Variants in OPRM1 observed in about 807,000 individuals in gnomAD.
OPRM1 encodes the protein mu-type opioid receptor.
OPRM1 carries 27 observed loss-of-function variants against 31.8 expected under a neutral mutation model. The ratio of observed to expected loss-of-function variants is 0.85; its 90% CI spans 0.63 to 1.17. The LOEUF (loss-of-function observed/expected upper bound fraction) is 1.17. Ranked by LOEUF, OPRM1 falls within the 50% of genes most tolerant of loss-of-function variation. OPRM1 has a pLI of 0.00. For missense variants in OPRM1, 536 were observed against 511.1 expected (o/e 1.05, Z -0.47); for synonymous variants, 196 against 189.9 (o/e 1.03, Z -0.26).
At chr6:154,238,940 A>G (rs1318863568) in intron 3 of OPRM1, among the ~76,000 whole-genome samples, 2 of 152,130 alleles carry the variant, frequency 1.3e-5, no homozygotes, top group Middle Eastern at 3.4e-3. Context: ...TAAAAAAAAA[A>G]AGAAGTTGTG....
intron 1 of OPRM1, among the ~76,000 whole-genome samples, chr6:154,023,250 C>A (rs1203806536): frequency 1.3e-5 from 2 of 152,016 alleles, no homozygotes; most frequent in Non-Finnish European, 2.9e-5. Flanking sequence ...ATAGTTTTCA[C>A]TATAGACATC....
downstream of OPRM1, among the ~76,000 whole-genome samples, chr6:154,135,004 C>G (rs184975497): frequency 2.6e-5 from 4 of 152,340 alleles, no homozygotes; most frequent in East Asian, 7.7e-4. Flanking sequence ...CAGAGCCAGT[C>G]TGGTGGCCAG....
At chr6:154,088,714 A>G (rs1051051525) in intron 1 of OPRM1, among the ~76,000 whole-genome samples, 1 of 152,218 alleles carries the variant, frequency 6.6e-6, no homozygotes, top group Non-Finnish European at 1.5e-5. Context: ...ACCTCAATAA[A>G]GCATTAAAAA....
Position 154,198,631 on chromosome 6 carries a change from TACACAC to T in OPRM1, c.1165-48034_1165-48029del, listed in dbSNP as rs3070838. ...ATTTACATACTTTTAAAATATTACA[TACACAC>T]ACACACACACACACACACACACACA... On this transcript the variant is annotated intron_variant, in intron 3 of 3. Transcript: ENST00000337049. 1.8e-3 allele frequency among the ~76,000 whole-genome samples: 257 copies of T among 146,790 alleles called. 2 individuals are homozygous for T. Among genetic ancestry groups the T allele is most frequent in the Middle Eastern group, 0.01 (3 of 290 alleles).
chr6:154,222,437 A>G (rs2128617796), intron 3 of OPRM1, among the ~76,000 whole-genome samples: 1 of 152,386 alleles, frequency 6.6e-6, no homozygotes, highest in South Asian at 2.1e-4. Context: ...CCCCTTTCTG[A>G]TAAGACTGGA....
At chr6:154,022,685 G>A (rs955718327) in intron 1 of OPRM1, among the ~76,000 whole-genome samples, 1 of 152,062 alleles carries the variant, frequency 6.6e-6, no homozygotes, top group Non-Finnish European at 1.5e-5. Context: ...TTCATAGTTT[G>A]AGGACTTAAA....
At chr6:154,240,266 GAT>G (rs1308349046) in intron 3 of OPRM1, among the ~76,000 whole-genome samples, 1 of 152,140 alleles carries the variant, frequency 6.6e-6, no homozygotes, top group Non-Finnish European at 1.5e-5. Context: ...CAACTTCTAG[GAT>G]ACAGAAACAC....
At chr6:154,107,658 G>T in intron 3 of OPRM1, 1 of 718,516 alleles carries the variant, frequency 1.4e-6, no homozygotes, top group South Asian at 1.5e-5. Flanking sequence ...TTCCCTTGAA[G>T]GTGGAGACCA....
chr6:154,091,059 AC>A lies in OPRM1; in HGVS notation c.753del (p.Val252CysfsTer5). 6.2e-7 allele frequency: 1 copy of A among 1,614,160 alleles called. No homozygotes were observed. Among genetic ancestry groups the A allele is most frequent in the African/African-American group, 1.3e-5 (1 of 75,040 alleles). ...CTTCATTATGCCAGTGCTCATCATTACCGTGTGCTATGGACTGATGATCTTG... is the reference window on the plus strand; with the variant it reads ...CTTCATTATGCCAGTGCTCATCATTACGTGTGCTATGGACTGATGATCTTG... The part of the protein sequence containing the change: ...FAFIMPVLII[T>X]VCYGLMILRL... On this transcript the variant is annotated frameshift_variant, in exon 3 of 4. Coordinates refer to ENST00000330432, the MANE Select transcript of OPRM1 (RefSeq NM_000914.5). LOFTEE classifies it high-confidence loss of function.
In OPRM1 at chr6:154,123,712, C is replaced by A. The variant is rs971816610; in HGVS notation, c.*4991C>A. On this transcript the variant is annotated 3_prime_UTR_variant, in exon 4 of 4. Transcript: ENST00000330432. Reference sequence around the variant, plus strand: ...CTGAGGGTTCTTCCCCTTTTAAGACCGCATAGGGCAACTTCCTGACATTGC... The same window carrying A: ...CTGAGGGTTCTTCCCCTTTTAAGACAGCATAGGGCAACTTCCTGACATTGC... 6.6e-6 allele frequency among the ~76,000 whole-genome samples: 1 copy of A among 152,112 alleles called. No homozygotes were observed. The highest frequency in any genetic ancestry group is 1.5e-5 in the Non-Finnish European group (1 of 68,010).
At chr6:154,104,524 G>A (rs1795309993) in intron 3 of OPRM1, among the ~76,000 whole-genome samples, 1 of 152,146 alleles carries the variant, frequency 6.6e-6, no homozygotes, top group South Asian at 2.1e-4. Flanking sequence ...GCAGCAGTCA[G>A]ACATCACTGG....
chr6:154,086,498 T>G lies in OPRM1; in HGVS notation c.291-3328T>G, dbSNP rs1583454341. The G allele has an allele frequency of 2.7e-6, 2 of 737,296 alleles. No individual in the cohort carries two copies. The highest frequency in any genetic ancestry group is 3.8e-5 in the African/African-American group (2 of 52,176). The allele number at this position is 737,296 out of a possible 1,614,324, so 45.7% of individuals were successfully genotyped here. A position where few individuals can be genotyped will look rare whatever the true frequency, so the allele number is the denominator to read the frequency against. ...CATGATGTTTTGAAATGTATACACATTGTGGAATGGCTAGCATGCTAATTA... is the reference window on the plus strand; with the variant it reads ...CATGATGTTTTGAAATGTATACACAGTGTGGAATGGCTAGCATGCTAATTA... On this transcript the variant is annotated intron_variant, in intron 1 of 3. Coordinates refer to ENST00000330432, the MANE Select transcript of OPRM1 (RefSeq NM_000914.5).
intron 3 of OPRM1, among the ~76,000 whole-genome samples, chr6:154,206,528 C>T (rs1321902991): frequency 6.6e-6 from 1 of 152,076 alleles, no homozygotes; most frequent in Admixed American, 6.5e-5. Context: ...CTGGCTCTGA[C>T]TTTAAGAATT....
At chr6:154,046,384 G>T (rs1006349837) in intron 1 of OPRM1, among the ~76,000 whole-genome samples, 3 of 152,136 alleles carry the variant, frequency 2.0e-5, no homozygotes, top group Non-Finnish European at 2.9e-5. Flanking sequence ...GCAGAATTGT[G>T]TGTGCCATGT....
chr6:154,228,355 T>G (rs2128623335), intron 3 of OPRM1, among the ~76,000 whole-genome samples: 1 of 152,128 alleles, frequency 6.6e-6, no homozygotes, highest in East Asian at 1.9e-4. Context: ...CCTGCAAGCT[T>G]CCCTCGAAAT....
In OPRM1 at chr6:154,119,968, G is replaced by A. The variant is rs547067736; in HGVS notation, c.*1247G>A. On this transcript the variant is annotated 3_prime_UTR_variant, in exon 4 of 4. Transcript: ENST00000330432. ...AGTAGTTTCTTTAAGACAATTCTCCGCTTTAACTGATTTTCTTTGTTGTGA... is the reference window on the plus strand; with the variant it reads ...AGTAGTTTCTTTAAGACAATTCTCCACTTTAACTGATTTTCTTTGTTGTGA... 6.6e-6 allele frequency among the ~76,000 whole-genome samples: 1 copy of A among 152,016 alleles called. No individual in the cohort carries two copies. Among genetic ancestry groups the A allele is most frequent in the Non-Finnish European group, 1.5e-5 (1 of 67,972 alleles).
At chr6:154,235,347 A>G (rs1275410890) in intron 3 of OPRM1, among the ~76,000 whole-genome samples, 2 of 152,144 alleles carry the variant, frequency 1.3e-5, no homozygotes, top group African/African-American at 4.8e-5. Flanking sequence ...CCTGGCCCAC[A>G]TGGCGAAAAC....
At position 154,151,703 on chromosome 6, in the gene OPRM1, A is replaced by G. The variant is rs540320905; in HGVS notation, c.1164+60231A>G. Among the ~76,000 whole-genome samples, 426 of 151,282 alleles carry G rather than the reference A, an allele frequency of 2.8e-3. 2 individuals are homozygous for G. The highest frequency in any genetic ancestry group is 0.01 in the African/African-American group (416 of 41,260). On this transcript the variant is annotated intron_variant, in intron 3 of 3. Coordinates refer to the OPRM1 transcript ENST00000337049. ...CTCCAGGCACCCTGTTTGCCTGGGA[A>G]TTTTGCTCCTTCCCTACACCTCCTA...
intron 3 of OPRM1, among the ~76,000 whole-genome samples, chr6:154,181,598 C>T (rs745951196): frequency 2.0e-5 from 3 of 152,198 alleles, no homozygotes; most frequent in Non-Finnish European, 2.9e-5. Flanking sequence ...TAGCAGTTGA[C>T]TGAACTGGAC....
Sources: allele counts gnomAD v4.1 joint callset (sites outside exome capture counted in the v4.1 genomes callset), GRCh38; gene constraint gnomAD v4.1.1; transcripts MANE v1.5; gene names NCBI Gene and HGNC (gene_info 2026-07-23, HGNC 2026-07-21).